The following ATP1A3 variants were observed in gnomAD, a reference collection of about 807,000 sequenced individuals.
ATP1A3 encodes the protein sodium/potassium-transporting ATPase subunit alpha-3.
Under a neutral mutation model 108.8 loss-of-function variants are expected in ATP1A3, and 12 were observed. The observed-to-expected ratio is 0.11, with a 90% CI of 0.07 to 0.18. ATP1A3 has a LOEUF of 0.18. Ranked by LOEUF, ATP1A3 falls within the 10% of genes least tolerant of loss-of-function variation. ATP1A3 has a pLI of 1.00. For synonymous variants in ATP1A3, 539 were observed against 564.5 expected, an observed-to-expected ratio of 0.95 and a Z score of 0.64; for missense variants, 498 against 1,387.7, an observed-to-expected ratio of 0.36 and a Z score of 10.19.
At chr19:41,973,347 C>G (rs1452063986) in intron 16 of ATP1A3, among the ~76,000 whole-genome samples, 1 of 152,154 alleles carries the variant, frequency 6.6e-6, no homozygotes, top group Non-Finnish European at 1.5e-5. Context: ...CCTCGACCAC[C>G]CAGGCTCAAG....
In ATP1A3 at chr19:41,967,747, AG is replaced by A; in HGVS notation, c.2835del (p.Phe946SerfsTer170). On this transcript the variant is annotated frameshift_variant, in exon 21 of 23. Transcript: ENST00000648268. LOFTEE classifies it high-confidence loss of function. This position sits in a 1 kb window ranked among gnomAD's most constrained non-coding sequence, Gnocchi z 4.2. ...FQQGMKNKIL[I>X]FGLFEETALA... ...AGGGCCGTCTCCTCAAACAGCCCGA[AG>A]ATCAGGATCTTGTTCCTGGAGGCAC... 6.2e-7 allele frequency: 1 copy of A among 1,614,068 alleles called. No individual in the cohort carries two copies. The highest frequency in any genetic ancestry group is 8.5e-7 in the Non-Finnish European group (1 of 1,179,984).
intron 18 of ATP1A3, among the ~76,000 whole-genome samples, chr19:41,969,979 C>T (rs1448715976): frequency 1.3e-5 from 2 of 152,196 alleles, no homozygotes; most frequent in African/African-American, 2.4e-5. Flanking sequence ...TGCTCCACTC[C>T]TCTGGGGATC....
Position 41,985,880 on chromosome 19 carries a change from G to A in ATP1A3, c.590C>T (p.Ser197Leu). The change falls in exon 6 of 23, where the codon TCA (serine) becomes TTA (leucine). Residue 197 changes from serine (S) to leucine (L), a missense_variant. Ser to Leu is a moderately radical substitution (Grantham distance 145, BLOSUM62 -2). This residue lies in a region of ATP1A3 where 127 missense variants were observed against 464.0 expected (regional missense o/e 0.27). Transcript: ENST00000648268. The surrounding 1 kb of genome is among the most constrained non-coding windows in gnomAD (Gnocchi z 8.2). ...DRVPADLRII[S>L]AHGCKVDNSS... ...CAGGCCCACCTTGCAGCCGTGGGCT[G>A]AGATGATCCGCAGGTCAGCTGGCAC... 1 of 1,614,082 alleles carries A rather than the reference G, an allele frequency of 6.2e-7. No homozygotes were observed. Among genetic ancestry groups the A allele is most frequent in the Non-Finnish European group, 8.5e-7 (1 of 1,180,006 alleles).
intron 1 of ATP1A3, among the ~76,000 whole-genome samples, chr19:41,991,767 G>A (rs1218342747): frequency 2.6e-5 from 4 of 151,950 alleles, no homozygotes; most frequent in Admixed American, 2.0e-4. Flanking sequence ...GGAGGGGCAG[G>A]GGTCTGGACC....
Position 41,978,840 on chromosome 19 carries a change from C to T in ATP1A3, c.1438-42G>A. On this transcript the variant is annotated intron_variant, in intron 11 of 22. Coordinates refer to ENST00000648268, the MANE Select transcript of ATP1A3 (RefSeq NM_152296.5). The surrounding 1 kb of genome is among the most constrained non-coding windows in gnomAD (Gnocchi z 8.3). ...GGGTGGCGTGCCTGAGCCACGCAGA[C>T]ACCAGGAAGCTCCCTGCCCCATCCT... The T allele has an allele frequency of 6.2e-7, 1 of 1,605,030 alleles. No individual in the cohort carries two copies. The highest frequency in any genetic ancestry group is 8.5e-7 in the Non-Finnish European group (1 of 1,173,136).
chr19:41,991,343 C>G (rs1489391247), intron 1 of ATP1A3, among the ~76,000 whole-genome samples: 1 of 137,700 alleles, frequency 7.3e-6, no homozygotes, highest in Admixed American at 7.5e-5. Flanking sequence ...CTGGGAGCCT[C>G]AAGAAGGGGT....
chr19:41,967,745 G>A lies in ATP1A3; in HGVS notation c.2838C>T (p.Phe946=), dbSNP rs141421692. ...CCAGGGCCGTCTCCTCAAACAGCCC[G>A]AAGATCAGGATCTTGTTCCTGGAGG... ...QQGMKNKILI[F]GLFEETALAA... The change falls in exon 21 of 23, where the codon TTC becomes TTT. Residue 946 remains phenylalanine (F), a synonymous_variant. Transcript: ENST00000648268. The surrounding 1 kb of genome is among the most constrained non-coding windows in gnomAD (Gnocchi z 4.2). The A allele has an allele frequency of 3.3e-4, 533 of 1,614,004 alleles. 4 individuals carry two copies. The highest frequency in any genetic ancestry group is 4.3e-5 in the Non-Finnish European group (51 of 1,179,964).
chr19:41,967,522 G>T lies in ATP1A3; in HGVS notation c.2921+140C>A, dbSNP rs1168242503. On this transcript the variant is annotated intron_variant, in intron 21 of 22. Transcript: ENST00000648268. The surrounding 1 kb of genome is among the most constrained non-coding windows in gnomAD (Gnocchi z 4.2). The stretch of plus-strand genomic sequence containing the variant: ...GTAATCCGTGGTGGGAGCAGCCTAT[G>T]GGGGAGGCTCGGGGGCATCAGAATG... The T allele has an allele frequency of 8.6e-7, 1 of 1,162,956 alleles. No homozygotes were observed. The highest frequency in any genetic ancestry group is 1.2e-6 in the Non-Finnish European group (1 of 814,956). The allele number at this position is 1,162,956 out of a possible 1,614,324, so 72.0% of individuals were successfully genotyped here. A position where few individuals can be genotyped will look rare whatever the true frequency, so the allele number is the denominator to read the frequency against.
chr19:41,991,479 G>C (rs2075338134), intron 1 of ATP1A3, among the ~76,000 whole-genome samples: 1 of 152,180 alleles, frequency 6.6e-6, no homozygotes, highest in South Asian at 2.1e-4. Context: ...GTGCCGGGGT[G>C]GTCTCAGCTT....
At chr19:41,993,679 G>A (rs145814198) in intron 1 of ATP1A3, 46 of 611,948 alleles carry the variant, frequency 7.5e-5, no homozygotes, top group African/African-American at 6.3e-4. Context: ...GCACTAACAC[G>A]AGCTCTCACA....
intron 1 of ATP1A3, chr19:41,993,633 T>C: frequency 1.4e-6 from 1 of 724,064 alleles, no homozygotes; most frequent in Non-Finnish European, 2.2e-6. Context: ...ATCCGCACCC[T>C]GCCAGGGAAG....
chr19:41,977,529 A>T (rs2075184327), intron 14 of ATP1A3, among the ~76,000 whole-genome samples: 1 of 20,282 alleles, frequency 4.9e-5, no homozygotes, highest in African/African-American at 2.1e-4. Flanking sequence ...TCTACTAAAA[A>T]TACAAAAAAA....
In ATP1A3 at chr19:41,967,622, G is replaced by T; in HGVS notation, c.2921+40C>A. ...AGTCTAAGGGAAGGCTCCATGGCAG[G>T]CGCTGGTGTGGGCAGGGCTGGGGGC... On this transcript the variant is annotated intron_variant, in intron 21 of 22. Coordinates refer to ENST00000648268, the MANE Select transcript of ATP1A3 (RefSeq NM_152296.5). The surrounding 1 kb of genome is among the most constrained non-coding windows in gnomAD (Gnocchi z 4.2). 6.3e-7 allele frequency: 1 copy of T among 1,599,794 alleles called. No homozygotes were observed. The highest frequency in any genetic ancestry group is 8.6e-7 in the Non-Finnish European group (1 of 1,169,376).
intron 18 of ATP1A3, 36 bp from the exon 19 acceptor site, chr19:41,969,616 A>T: frequency 6.2e-7 from 1 of 1,611,990 alleles, no homozygotes. Context: ...GGAGAGGCTC[A>T]GATTGGGGCC....
At chr19:41,986,544 C>T (rs978694314) in intron 4 of ATP1A3, 5 of 336,254 alleles carry the variant, frequency 1.5e-5, no homozygotes, top group South Asian at 2.4e-5. Flanking sequence ...CTGGTTCAAG[C>T]GATCCTCCTG....
intron 1 of ATP1A3, among the ~76,000 whole-genome samples, chr19:41,989,407 C>T (rs1464886675): frequency 6.6e-6 from 1 of 150,494 alleles, no homozygotes; most frequent in East Asian, 2.0e-4. Context: ...CAAGCTCCGC[C>T]TCCCAGGTTC....
chr19:41,975,832 G>A, intron 15 of ATP1A3, 35 bp from the exon 16 acceptor site: 9 of 1,609,130 alleles, frequency 5.6e-6, no homozygotes, highest in Non-Finnish European at 7.7e-6. Flanking sequence ...ACACCCAGAG[G>A]CCAGTCCCCA....
chr19:41,986,933 G>C (rs551138716), intron 4 of ATP1A3, among the ~76,000 whole-genome samples: 145 of 151,694 alleles, frequency 9.6e-4, no homozygotes, highest in Non-Finnish European at 1.8e-3. Flanking sequence ...TTAGAGGCTG[G>C]GTCTGTCTGG....
At chr19:41,969,669 T>C (rs2075081266) in intron 18 of ATP1A3, 89 bp from the exon 19 acceptor site, 40 of 1,538,016 alleles carry the variant, frequency 2.6e-5, no homozygotes, top group Non-Finnish European at 3.6e-5. Flanking sequence ...GAGGCCTCCT[T>C]GGAGAGGGGA....
Sources: gnomAD v4.1 joint callset for allele counts (sites outside exome capture counted in the v4.1 genomes callset) on GRCh38, gnomAD v4.1.1 for gene constraint, gnomAD v4.1.1 regional missense constraint, Gnocchi (gnomAD v3.1) non-coding constraint, MANE v1.5 for transcripts, NCBI Gene and HGNC (gene_info 2026-07-23, HGNC 2026-07-21) for gene names.